The following MEGF9 variants were observed in gnomAD, a reference collection of about 807,000 sequenced individuals.
MEGF9 encodes multiple epidermal growth factor-like domains protein 9.
A neutral mutation model predicts 46.8 loss-of-function variants in MEGF9; 6 were observed. The observed-to-expected ratio is 0.13, with a 90% CI of 0.07 to 0.25. The LOEUF is 0.25. MEGF9 is among the 10% of genes least tolerant of loss of function. The pLI is 1.00. For synonymous variants in MEGF9, 302 were observed against 330.7 expected (o/e 0.91, Z 0.94); for missense variants, 683 against 792.4 (o/e 0.86, Z 1.66).
intron 2 of MEGF9, among the ~76,000 whole-genome samples, chr9:120,640,854 C>T (rs758633980): frequency 1.4e-4 from 18 of 132,664 alleles, no homozygotes; most frequent in Admixed American, 9.2e-4. Flanking sequence ...CTTTACCCCC[C>T]GCCCACCCTC....
intron 1 of MEGF9, among the ~76,000 whole-genome samples, chr9:120,683,086 T>A (rs1300408959): frequency 6.6e-6 from 1 of 152,152 alleles, no homozygotes; most frequent in Non-Finnish European, 1.5e-5. Flanking sequence ...ATTAGGGCCC[T>A]GAACTGCAGT....
At chr9:120,644,245 T>C (rs1302273098) in intron 2 of MEGF9, among the ~76,000 whole-genome samples, 1 of 152,202 alleles carries the variant, frequency 6.6e-6, no homozygotes, top group Non-Finnish European at 1.5e-5. Context: ...CTTGAAGCTT[T>C]TAAGGGAACT....
At chr9:120,713,185 T>C (rs191958516) in intron 1 of MEGF9, among the ~76,000 whole-genome samples, 2 of 152,350 alleles carry the variant, frequency 1.3e-5, no homozygotes, top group Admixed American at 1.3e-4. Flanking sequence ...AGGGACAACA[T>C]GGATTACAAT....
chr9:120,653,576 T>C (rs2132319896), intron 2 of MEGF9, among the ~76,000 whole-genome samples: 1 of 152,208 alleles, frequency 6.6e-6, no homozygotes, highest in South Asian at 2.1e-4. Context: ...TTCACCATGT[T>C]GGCTAGGCTG....
intron 2 of MEGF9, among the ~76,000 whole-genome samples, chr9:120,641,043 C>G (rs1287036426): frequency 6.6e-6 from 1 of 152,070 alleles, no homozygotes; most frequent in Non-Finnish European, 1.5e-5. Flanking sequence ...TGATTTTGTT[C>G]TTTTTTACAG....
intron 2 of MEGF9, among the ~76,000 whole-genome samples, chr9:120,633,778 T>C (rs893615543): frequency 1.3e-5 from 2 of 152,112 alleles, no homozygotes; most frequent in Non-Finnish European, 2.9e-5. Flanking sequence ...TCCCATAGCA[T>C]GGTATGGGAT....
intron 1 of MEGF9, among the ~76,000 whole-genome samples, chr9:120,710,646 C>T (rs1040171522): frequency 6.6e-6 from 1 of 152,126 alleles, no homozygotes; most frequent in Non-Finnish European, 1.5e-5. Flanking sequence ...TCTATAAGAC[C>T]TATTCAATCA....
In MEGF9 at chr9:120,634,446, C is replaced by CTTTTT. The variant is rs1158273579; in HGVS notation, c.804-11696_804-11692dup. ...TTTGGTTTCCATATGTGTGGAATAT[C>CTTTTT]TTTTTTTTTTTTTTTTTTTTTTTTT... is the stretch of plus-strand genomic sequence containing the variant. On this transcript the variant is annotated intron_variant, in intron 2 of 5. Transcript: ENST00000373930. Among the ~76,000 whole-genome samples, 56 of 46,902 alleles carry CTTTTT rather than the reference C, an allele frequency of 1.2e-3. 10 individuals carry two copies. Among genetic ancestry groups the CTTTTT allele is most frequent in the African/African-American group, 4.4e-3 (53 of 12,142 alleles). The allele number at this position is 46,902 out of a possible 152,430, so 30.8% of individuals were successfully genotyped here.
chr9:120,625,419 G>T (rs2043519579), intron 2 of MEGF9, among the ~76,000 whole-genome samples: 1 of 151,840 alleles, frequency 6.6e-6, no homozygotes, highest in South Asian at 2.1e-4. Flanking sequence ...GACTGGTTAG[G>T]CAGGAAATGA....
chr9:120,660,291 A>G (rs1564422642), intron 1 of MEGF9, among the ~76,000 whole-genome samples: 4 of 152,194 alleles, frequency 2.6e-5, no homozygotes, highest in Non-Finnish European at 5.9e-5. Flanking sequence ...TAAGGTGTAT[A>G]TATTTATGGG....
At position 120,605,102 on chromosome 9, in the gene MEGF9, C is replaced by T. The variant is rs2043414471; in HGVS notation, c.*88G>A. The T allele has an allele frequency of 7.3e-7, 1 of 1,376,502 alleles. No individual in the cohort carries two copies. Among genetic ancestry groups the T allele is most frequent in the African/African-American group, 1.4e-5 (1 of 69,040 alleles). The allele number at this position is 1,376,502 out of a possible 1,614,324, so 85.3% of individuals were successfully genotyped here. On this transcript the variant is annotated 3_prime_UTR_variant, in exon 6 of 6. Coordinates refer to ENST00000373930, the MANE Select transcript of MEGF9 (RefSeq NM_001080497.3). The surrounding 1 kb of genome is among the most constrained non-coding windows in gnomAD (Gnocchi z 4.0). ...GCACTATTTGCCTTTGCTTTCTCAG[C>T]AAACTCTAGCCAGGCTTTGTCTGGC...
intron 2 of MEGF9, among the ~76,000 whole-genome samples, chr9:120,654,572 C>T (rs1217214198): frequency 3.3e-5 from 5 of 152,154 alleles, no homozygotes; most frequent in Admixed American, 3.3e-4. Context: ...CAATTATACA[C>T]AGTACATAAT....
intron 1 of MEGF9, among the ~76,000 whole-genome samples, chr9:120,680,907 C>G (rs2043796174): frequency 1.3e-5 from 2 of 151,580 alleles, no homozygotes; most frequent in African/African-American, 4.9e-5. Flanking sequence ...AGGCCTGGGA[C>G]TCTGTTTTCC....
chr9:120,657,980 T>G (rs1378775942), intron 2 of MEGF9, among the ~76,000 whole-genome samples: 1 of 151,328 alleles, frequency 6.6e-6, no homozygotes, highest in African/African-American at 2.5e-5. Flanking sequence ...CTTAATGAAG[T>G]TCTCTTCTAC....
In MEGF9 at chr9:120,605,935, C is replaced by T. The variant is rs906564230; in HGVS notation, c.1358-294G>A. ...ACACCTGTAATCCCAGCACTTTGGGCGGCCGAGGGTGGTGGATCACGAGGT... is the reference window on the plus strand; with the variant it reads ...ACACCTGTAATCCCAGCACTTTGGGTGGCCGAGGGTGGTGGATCACGAGGT... On this transcript the variant is annotated intron_variant, in intron 5 of 5. Coordinates refer to ENST00000373930, the MANE Select transcript of MEGF9 (RefSeq NM_001080497.3). This position sits in a 1 kb window ranked among gnomAD's most constrained non-coding sequence, Gnocchi z 4.0. Among the ~76,000 whole-genome samples the T allele has an allele frequency of 2.6e-5, 4 of 151,912 alleles. No individual in the cohort carries two copies. Among genetic ancestry groups the T allele is most frequent in the South Asian group, 2.1e-4 (1 of 4,808 alleles).
At chr9:120,675,897 A>AC (rs1554798178) in intron 1 of MEGF9, among the ~76,000 whole-genome samples, 6 of 151,074 alleles carry the variant, frequency 4.0e-5, no homozygotes, top group Admixed American at 4.0e-4. Flanking sequence ...CAAAAAAAAA[A>AC]AAAAAAAAAA....
chr9:120,659,898 C>T (rs915550277), intron 1 of MEGF9, among the ~76,000 whole-genome samples: 9 of 150,600 alleles, frequency 6.0e-5, no homozygotes, highest in Non-Finnish European at 1.2e-4. Context: ...TTGGAAATGA[C>T]AACATGTTAA....
chr9:120,672,469 T>TAAATAAATAAAA (rs1564425055), intron 1 of MEGF9, among the ~76,000 whole-genome samples: 2 of 127,538 alleles, frequency 1.6e-5, no homozygotes, highest in African/African-American at 5.4e-5. Flanking sequence ...AATAAATAAA[T>TAAATAAATAAAA]AAAAAGCCAG....
At chr9:120,642,977 T>C (rs2043609353) in intron 2 of MEGF9, among the ~76,000 whole-genome samples, 1 of 152,110 alleles carries the variant, frequency 6.6e-6, no homozygotes, top group Non-Finnish European at 1.5e-5. Flanking sequence ...AGAATATTCA[T>C]TTAATCTACA....
Sources: allele counts gnomAD v4.1 joint callset (sites outside exome capture counted in the v4.1 genomes callset), GRCh38; gene constraint gnomAD v4.1.1; non-coding constraint Gnocchi (gnomAD v3.1); transcripts MANE v1.5; gene names NCBI Gene and HGNC (gene_info 2026-07-23, HGNC 2026-07-21).